Variants in PDE4B observed in about 807,000 individuals in gnomAD.
PDE4B encodes 3',5'-cyclic-AMP phosphodiesterase 4B.
Under a neutral mutation model 82.2 loss-of-function variants are expected in PDE4B, and 20 were observed. That is an observed-to-expected ratio of 0.24 (90% CI 0.17 to 0.35). The LOEUF is 0.35. PDE4B is among the 10% of genes least tolerant of loss of function. PDE4B has a pLI of 1.00. For synonymous variants in PDE4B, 320 were observed against 318.9 expected, an observed-to-expected ratio of 1.00 and a Z score of -0.04; for missense variants, 655 against 907.2, an observed-to-expected ratio of 0.72 and a Z score of 3.57.
At chr1:65,981,138 G>C (rs561322221) in intron 3 of PDE4B, among the ~76,000 whole-genome samples, 2 of 152,242 alleles carry the variant, frequency 1.3e-5, no homozygotes, top group South Asian at 4.2e-4. Flanking sequence ...ATAGAATCCT[G>C]AGATGATATT....
intron 3 of PDE4B, among the ~76,000 whole-genome samples, chr1:66,146,183 T>TC (rs914258409): frequency 7.4e-6 from 1 of 134,240 alleles, no homozygotes; most frequent in African/African-American, 2.8e-5. Flanking sequence ...CTTTTTTTTT[T>TC]TTTTTTTTTT....
At chr1:65,948,996 C>T (rs1409556947) in intron 3 of PDE4B, among the ~76,000 whole-genome samples, 1 of 152,066 alleles carries the variant, frequency 6.6e-6, no homozygotes, top group Non-Finnish European at 1.5e-5. Flanking sequence ...CCCCTAGGGA[C>T]AAAATGTTCT....
chr1:66,371,093 A>ACT (rs2050748715), intron 16 of PDE4B, among the ~76,000 whole-genome samples: 1 of 48,928 alleles, frequency 2.0e-5, no homozygotes. Context: ...CACACATCAT[A>ACT]CTATATATAT....
chr1:65,858,383 C>T (rs189153594), intron 1 of PDE4B, among the ~76,000 whole-genome samples: 4 of 152,280 alleles, frequency 2.6e-5, no homozygotes, highest in Admixed American at 1.3e-4. Flanking sequence ...ATTGTACATA[C>T]CTGATTTATA....
chr1:65,875,952 TAAAA>T (rs34676619), intron 1 of PDE4B, among the ~76,000 whole-genome samples: 11 of 148,794 alleles, frequency 7.4e-5, no homozygotes, highest in Admixed American at 3.4e-4. Flanking sequence ...AAAGTATAAT[TAAAA>T]AAAAAATGGG....
chr1:66,052,364 G>A (rs1655075586), intron 3 of PDE4B, among the ~76,000 whole-genome samples: 1 of 152,082 alleles, frequency 6.6e-6, no homozygotes, highest in Non-Finnish European at 1.5e-5. Flanking sequence ...CAGAATCTTA[G>A]TGACTAAGGA....
At chr1:66,296,685 A>G (rs189046880) in intron 7 of PDE4B, among the ~76,000 whole-genome samples, 134 of 152,296 alleles carry the variant, frequency 8.8e-4, no homozygotes, top group Non-Finnish European at 1.4e-3. Flanking sequence ...TTGTCACTTC[A>G]GTTCATTGTC....
At chr1:66,179,754 T>C (rs543436019) in intron 3 of PDE4B, among the ~76,000 whole-genome samples, 65 of 152,234 alleles carry the variant, frequency 4.3e-4, no homozygotes, top group Non-Finnish European at 8.7e-4. Flanking sequence ...ATTTCTGGAC[T>C]GACATGGTAG....
intron 8 of PDE4B, among the ~76,000 whole-genome samples, chr1:66,347,279 A>G (rs1192787821): frequency 6.6e-6 from 1 of 152,234 alleles, no homozygotes; most frequent in Non-Finnish European, 1.5e-5. Context: ...CACAAAATAC[A>G]TAACAAGCCC....
intron 3 of PDE4B, among the ~76,000 whole-genome samples, chr1:66,102,548 T>G (rs551274081): frequency 6.6e-6 from 1 of 152,118 alleles, no homozygotes; most frequent in African/African-American, 2.4e-5. Flanking sequence ...TTTGGACTTA[T>G]GAGAAAAATC....
chr1:66,206,393 C>G (rs1308479990), intron 3 of PDE4B, among the ~76,000 whole-genome samples: 1 of 152,170 alleles, frequency 6.6e-6, no homozygotes, highest in Non-Finnish European at 1.5e-5. Flanking sequence ...TAACTCCACC[C>G]TCCAGCATTT....
intron 3 of PDE4B, among the ~76,000 whole-genome samples, chr1:65,976,648 G>T (rs186754653): frequency 1.3e-5 from 2 of 152,240 alleles, no homozygotes; most frequent in East Asian, 3.9e-4. Context: ...TATGGGGGCA[G>T]ATTTCCCCTT....
At chr1:66,028,252 C>T (rs1653562288) in intron 3 of PDE4B, among the ~76,000 whole-genome samples, 1 of 152,202 alleles carries the variant, frequency 6.6e-6, no homozygotes, top group South Asian at 2.1e-4. Context: ...GGGGATTCCA[C>T]CCTCTGAAGC....
intron 3 of PDE4B, among the ~76,000 whole-genome samples, chr1:66,117,232 C>G (rs1219531693): frequency 2.0e-5 from 3 of 151,844 alleles, no homozygotes; most frequent in Non-Finnish European, 4.4e-5. Context: ...TTTGTTTTCT[C>G]AAGAAAAGTC....
rs144756694 is a variant in PDE4B, at chr1:65,998,294, G to A, written c.281+79459G>A. Among the ~76,000 whole-genome samples the A allele has an allele frequency of 7.5e-3, 1,141 of 152,210 alleles. 50 individuals are homozygous for A. The highest frequency in any genetic ancestry group is 0.062 in the Admixed American group (946 of 15,282). ...GTGAAAATACACATAGTTCACTGGG[G>A]TTTCAGCCTAAGGATGCAAGGTGGG... On this transcript the variant is annotated intron_variant, in intron 3 of 16. Transcript: ENST00000341517.
At chr1:66,247,927 T>C (rs72924453) in intron 4 of PDE4B, among the ~76,000 whole-genome samples, 2,879 of 152,318 alleles carry the variant, frequency 0.019, 82 homozygotes, top group African/African-American at 0.064. Flanking sequence ...TTTTGCTTCA[T>C]TTCCTGAACT....
At chr1:65,867,302 A>G (rs1646523404) in intron 1 of PDE4B, among the ~76,000 whole-genome samples, 1 of 152,236 alleles carries the variant, frequency 6.6e-6, no homozygotes, top group Non-Finnish European at 1.5e-5. Context: ...GGAAGTCCAA[A>G]TAAGATTTTG....
chr1:65,849,682 C>T (rs1646308038), intron 1 of PDE4B, among the ~76,000 whole-genome samples: 1 of 151,858 alleles, frequency 6.6e-6, no homozygotes, highest in Non-Finnish European at 1.5e-5. Flanking sequence ...ATGTCATATA[C>T]TTTTAGATAC....
Position 65,864,697 on chromosome 1 carries a change from G to A in PDE4B, c.-70-48548G>A, listed in dbSNP as rs571870744. Among the ~76,000 whole-genome samples the A allele has an allele frequency of 2.2e-4, 34 of 152,316 alleles. 1 individual carries two copies. The South Asian group carries it at 6.4e-3, about 29-fold the overall frequency. On this transcript the variant is annotated intron_variant, in intron 1 of 16. Transcript: ENST00000341517. ...CACCTGGGTATTACCAGTGGAGGCT[G>A]CAGAACAGTAAAGATTGCTGCCTGC...
Sources: allele counts gnomAD v4.1 joint callset (sites outside exome capture counted in the v4.1 genomes callset), GRCh38; gene constraint gnomAD v4.1.1; transcripts MANE v1.5; gene names NCBI Gene and HGNC (gene_info 2026-07-23, HGNC 2026-07-21).